ZNF536: variants seen among roughly 807,000 people sequenced by gnomAD.
ZNF536 encodes the protein zinc finger protein 536.
ZNF536 carries 13 observed loss-of-function variants against 84.5 expected under a neutral mutation model. The ratio of observed to expected loss-of-function variants is 0.15; its 90% CI spans 0.10 to 0.24. ZNF536 has a LOEUF of 0.24. Among genes scored for constraint, ZNF536 ranks in the 10% least tolerant of loss-of-function variants. The pLI, the probability that ZNF536 is intolerant of heterozygous loss-of-function variation, is 1.00. For synonymous variants in ZNF536, 811 were observed against 742.5 expected (o/e 1.09, Z -1.50); for missense variants, 1,536 against 1,747.5 (o/e 0.88, Z 2.16).
chr19:30,494,259 G>A (rs999538323), intron 2 of ZNF536, among the ~76,000 whole-genome samples: 1 of 152,178 alleles, frequency 6.6e-6, no homozygotes, highest in Non-Finnish European at 1.5e-5. Context: ...GGGATGAGAA[G>A]TTATGACTGG....
At chr19:30,488,422 T>A (rs891421764) in intron 2 of ZNF536, among the ~76,000 whole-genome samples, 1 of 152,212 alleles carries the variant, frequency 6.6e-6, no homozygotes, top group African/African-American at 2.4e-5. Context: ...TCCTGACTCA[T>A]TCCCGGAATC....
chr19:30,380,797 GT>G (rs1392089592), intron 1 of ZNF536, among the ~76,000 whole-genome samples: 1 of 152,166 alleles, frequency 6.6e-6, no homozygotes, highest in African/African-American at 2.4e-5. Context: ...ATGGTCCTGA[GT>G]CCACCCAGGT....
At chr19:30,670,857 A>G (rs1312479824) in intron 1 of ZNF536, among the ~76,000 whole-genome samples, 1 of 152,218 alleles carries the variant, frequency 6.6e-6, no homozygotes, top group Non-Finnish European at 1.5e-5. Flanking sequence ...GCGAGAGCAC[A>G]GAGAAGGTAC....
chr19:30,433,263 C>A (rs2051559979), intron 1 of ZNF536, among the ~76,000 whole-genome samples: 2 of 152,194 alleles, frequency 1.3e-5, no homozygotes, highest in Non-Finnish European at 2.9e-5. Context: ...CCCACTGTGA[C>A]CAGCATGCTG....
intron 1 of ZNF536, among the ~76,000 whole-genome samples, chr19:30,640,779 A>G (rs558472308): frequency 6.6e-6 from 1 of 152,348 alleles, no homozygotes; most frequent in East Asian, 1.9e-4. Flanking sequence ...CATTCAAAGG[A>G]CATTCATTTC....
chr19:30,258,572 C>T (rs1176631484), intron 1 of ZNF536, among the ~76,000 whole-genome samples: 2 of 152,092 alleles, frequency 1.3e-5, no homozygotes, highest in Admixed American at 1.3e-4. Flanking sequence ...TCAGCGAGCA[C>T]CTTGGTCATC....
At chr19:30,389,221 C>A (rs140013434) in intron 1 of ZNF536, among the ~76,000 whole-genome samples, 57 of 152,170 alleles carry the variant, frequency 3.7e-4, no homozygotes, top group African/African-American at 1.3e-3. Flanking sequence ...TTCTGGTTTG[C>A]GCAGCTTTTC....
rs538033602 is a variant in ZNF536, at chr19:30,589,938, G to A, written c.169+40424G>A. 8.5e-5 allele frequency among the ~76,000 whole-genome samples: 13 copies of A among 152,278 alleles called. 1 individual carries two copies. Among genetic ancestry groups the A allele is most frequent in the Admixed American group, 3.3e-4 (5 of 15,312 alleles). On this transcript the variant is annotated intron_variant, in intron 1 of 1. Coordinates refer to the ZNF536 transcript ENST00000592773. ...AGGGGTGCCATGTGGAGGGGGATAT[G>A]AGCATGACACTTCTAGCATCTATCC...
At chr19:30,298,169 C>T (rs2046068826) in intron 2 of ZNF536, among the ~76,000 whole-genome samples, 1 of 152,198 alleles carries the variant, frequency 6.6e-6, no homozygotes. Context: ...TGAGCCACCT[C>T]GCCTGGCCTC....
At position 30,443,721 on chromosome 19, in the gene ZNF536, G is replaced by A. The variant is rs2148150315; in HGVS notation, c.159G>A (p.Arg53=). Residue 53 remains arginine (R), a synonymous_variant, in exon 2 of 5, where the codon CGG becomes CGA. Transcript: ENST00000355537. ...LSHAFPELHP[R]PNPEEKPPAS... The stretch of plus-strand genomic sequence containing the variant: ...ATGCCTTCCCCGAGCTCCATCCCCG[G>A]CCCAACCCCGAGGAGAAGCCCCCCG... 6.2e-7 allele frequency: 1 copy of A among 1,613,300 alleles called. No homozygotes were observed. The highest frequency in any genetic ancestry group is 8.5e-7 in the Non-Finnish European group (1 of 1,179,752).
At chr19:30,551,002 T>G (rs2045756569) in intron 4 of ZNF536, among the ~76,000 whole-genome samples, 1 of 152,010 alleles carries the variant, frequency 6.6e-6, no homozygotes, top group Non-Finnish European at 1.5e-5. Flanking sequence ...AAGCGTTTTA[T>G]GTTAGTCCAA....
intron 2 of ZNF536, among the ~76,000 whole-genome samples, chr19:30,302,995 C>T (rs2145956748): frequency 6.6e-6 from 1 of 152,306 alleles, no homozygotes; most frequent in South Asian, 2.1e-4. Flanking sequence ...TTTTTCCTGA[C>T]ATTGGGAGCT....
At chr19:30,637,997 C>T (rs1268352393) in intron 1 of ZNF536, among the ~76,000 whole-genome samples, 1 of 152,162 alleles carries the variant, frequency 6.6e-6, no homozygotes, top group Non-Finnish European at 1.5e-5. Flanking sequence ...ACCCAAACAT[C>T]CTTGTGGCTT....
In ZNF536 at chr19:30,313,779, T is replaced by C. The variant is rs554040039; in HGVS notation, c.-120+29638T>C. 6.6e-5 allele frequency among the ~76,000 whole-genome samples: 10 copies of C among 152,204 alleles called. No homozygotes were observed. In the South Asian group the frequency reaches 2.1e-3, roughly 32 times the overall value. On this transcript the variant is annotated intron_variant, in intron 2 of 5. Transcript: ENST00000585628. ...GTGTGGCATCCTGAGTACAGGTGGGTTCCCCGTTAAGGAAAAGTGGTGTAT... is the reference window on the plus strand; with the variant it reads ...GTGTGGCATCCTGAGTACAGGTGGGCTCCCCGTTAAGGAAAAGTGGTGTAT...
intron 1 of ZNF536, among the ~76,000 whole-genome samples, chr19:30,607,361 A>G (rs2047937605): frequency 6.6e-6 from 1 of 151,952 alleles, no homozygotes; most frequent in South Asian, 2.1e-4. Context: ...CTCATTGTTA[A>G]TTTTAATTAC....
intron 1 of ZNF536, among the ~76,000 whole-genome samples, chr19:30,567,321 G>C (rs903793770): frequency 6.6e-6 from 1 of 152,152 alleles, no homozygotes; most frequent in Non-Finnish European, 1.5e-5. Flanking sequence ...ACTGGGTAGG[G>C]ACCAGGTGTT....
intron 1 of ZNF536, among the ~76,000 whole-genome samples, chr19:30,413,414 G>A (rs755599327): frequency 7.2e-5 from 11 of 151,988 alleles, no homozygotes; most frequent in Non-Finnish European, 1.5e-4. Context: ...TTATTCGTTT[G>A]TTTTGCTATT....
Position 30,546,171 on chromosome 19 carries a change from C to T in ZNF536, c.2324-1772C>T, listed in dbSNP as rs1358289285. On this transcript the variant is annotated intron_variant, in intron 3 of 4. Transcript: ENST00000355537. ...AAGTGCCCCATCCCAGCCTGGCCTG[C>T]GATGGGATGTCTACATAGCAGTAGC... Among the ~76,000 whole-genome samples, 10 of 152,300 alleles carry T rather than the reference C, an allele frequency of 6.6e-5. 1 individual carries two copies. The South Asian group carries it at 1.7e-3, about 25-fold the overall frequency.
chr19:30,263,968 G>C (rs2025362734), intron 1 of ZNF536, among the ~76,000 whole-genome samples: 1 of 152,096 alleles, frequency 6.6e-6, no homozygotes, highest in Non-Finnish European at 1.5e-5. Flanking sequence ...TCCAGCAACA[G>C]GAAAGGAACT....
Sources: allele counts gnomAD v4.1 joint callset (sites outside exome capture counted in the v4.1 genomes callset), GRCh38; gene constraint gnomAD v4.1.1; transcripts MANE v1.5; gene names NCBI Gene and HGNC (gene_info 2026-07-23, HGNC 2026-07-21).